Variants in FNDC3B observed in about 807,000 individuals in gnomAD.
The protein encoded by FNDC3B is fibronectin type III domain-containing protein 3B.
Under a neutral mutation model 151.5 loss-of-function variants are expected in FNDC3B, and 12 were observed. That is an observed-to-expected ratio of 0.08 (90% CI 0.05 to 0.13). The LOEUF (loss-of-function observed/expected upper bound fraction) is 0.13, where lower values mean the gene tolerates loss of function less well. Ranked by LOEUF, FNDC3B falls within the 10% of genes least tolerant of loss-of-function variation. FNDC3B has a pLI of 1.00. For synonymous variants in FNDC3B, 528 were observed against 549.0 expected, an observed-to-expected ratio of 0.96 and a Z score of 0.54; for missense variants, 1,214 against 1,505.3, an observed-to-expected ratio of 0.81 and a Z score of 3.20.
intron 23 of FNDC3B, 26 bp from the exon 24 acceptor site, chr3:172,378,244 C>T (rs1217563372): frequency 6.5e-7 from 1 of 1,549,464 alleles, no homozygotes; most frequent in Non-Finnish European, 8.7e-7. Context: ...GTTCAGATGG[C>T]TAATTGATTC....
intron 6 of FNDC3B, among the ~76,000 whole-genome samples, chr3:172,272,861 G>A (rs149887894): frequency 4.5e-4 from 68 of 152,296 alleles, no homozygotes; most frequent in Non-Finnish European, 5.1e-4. Flanking sequence ...TGATTCTCAT[G>A]GACTTGTGCA....
intron 11 of FNDC3B, among the ~76,000 whole-genome samples, chr3:172,317,429 C>T (rs181737114): frequency 6.6e-6 from 1 of 152,228 alleles, no homozygotes; most frequent in East Asian, 1.9e-4. Flanking sequence ...CGTGATCCGC[C>T]TGCCTCGGCC....
At chr3:172,271,993 C>T (rs1039060921) in intron 6 of FNDC3B, among the ~76,000 whole-genome samples, 2 of 152,182 alleles carry the variant, frequency 1.3e-5, no homozygotes, top group African/African-American at 2.4e-5. Flanking sequence ...GGAAACACAT[C>T]GTAGCCCTTG....
rs1010491916 is a variant in FNDC3B, at chr3:172,307,397, T to C, written c.1096T>C (p.Cys366Arg). ...YAMYNSVKGS[C>R]SEPVSFTTHS... ...CATGTACAATTCCGTAAAGGGATCC[T>C]GCTCCGAGCCTGTTAGCTTCACCAC... Residue 366 changes from cysteine to arginine, a missense_variant, in exon 10 of 26, where the codon TGC (cysteine) becomes CGC (arginine). This residue lies in a region of FNDC3B where 156 missense variants were observed against 225.3 expected (regional missense o/e 0.69). Coordinates refer to ENST00000415807, the MANE Select transcript of FNDC3B (RefSeq NM_022763.4). 2 of 1,614,186 alleles carry C rather than the reference T, an allele frequency of 1.2e-6. No homozygotes were observed. Among genetic ancestry groups the C allele is most frequent in the Non-Finnish European group, 8.5e-7 (1 of 1,180,006 alleles).
intron 2 of FNDC3B, among the ~76,000 whole-genome samples, chr3:172,118,518 G>A (rs916044702): frequency 1.3e-5 from 2 of 152,316 alleles, no homozygotes; most frequent in Middle Eastern, 3.4e-3. Context: ...GGAGAAAGAA[G>A]GATATTCAGA....
Position 172,148,347 on chromosome 3 carries a change from G to A in FNDC3B, c.187+14801G>A, listed in dbSNP as rs192123551. On this transcript the variant is annotated intron_variant, in intron 3 of 25. Coordinates refer to ENST00000415807, the MANE Select transcript of FNDC3B (RefSeq NM_022763.4). Reference sequence around the variant, plus strand: ...CCTTTTTCCCAGTCAACTGGGCCACGGTAAAAGAAGCAGCCAATGTGGAGG... The same window carrying A: ...CCTTTTTCCCAGTCAACTGGGCCACAGTAAAAGAAGCAGCCAATGTGGAGG... 5.3e-5 allele frequency among the ~76,000 whole-genome samples: 8 copies of A among 151,768 alleles called. No individual in the cohort carries two copies. The East Asian group carries it at 1.2e-3, about 22-fold the overall frequency.
intron 13 of FNDC3B, 144 bp from the exon 14 acceptor site, chr3:172,332,945 A>G: frequency 2.8e-6 from 2 of 718,206 alleles, no homozygotes; most frequent in Non-Finnish European, 5.0e-6. Flanking sequence ...TGGGCTTCTG[A>G]TTTTTCTCTT....
intron 16 of FNDC3B, among the ~76,000 whole-genome samples, chr3:172,338,769 CTG>C (rs1374399248): frequency 2.0e-5 from 3 of 152,214 alleles, no homozygotes; most frequent in Non-Finnish European, 2.9e-5. Flanking sequence ...GAGTCTCGCT[CTG>C]TCGCCCAGGC....
At chr3:172,239,853 G>GTTTTTTTTTTT (rs1195281476) in intron 4 of FNDC3B, among the ~76,000 whole-genome samples, 11 of 65,864 alleles carry the variant, frequency 1.7e-4, no homozygotes, top group African/African-American at 6.2e-4. Context: ...ATCCATTTTA[G>GTTTTTTTTTTT]TTCTTTTTTT....
intron 2 of FNDC3B, among the ~76,000 whole-genome samples, chr3:172,116,419 C>T (rs1032173811): frequency 1.3e-5 from 2 of 152,212 alleles, no homozygotes; most frequent in African/African-American, 4.8e-5. Flanking sequence ...CTCCCTATTT[C>T]CTGTTTCTCT....
chr3:172,069,775 A>T (rs1056573299), intron 1 of FNDC3B, among the ~76,000 whole-genome samples: 11 of 152,180 alleles, frequency 7.2e-5, no homozygotes, highest in African/African-American at 2.7e-4. Flanking sequence ...CCCCTTTCAG[A>T]TTCCAAGTAG....
At chr3:172,175,755 A>G (rs1466593866) in intron 3 of FNDC3B, among the ~76,000 whole-genome samples, 10 of 152,238 alleles carry the variant, frequency 6.6e-5, no homozygotes. Flanking sequence ...ATAGTAAGTG[A>G]GAACCTTGTA....
intron 2 of FNDC3B, among the ~76,000 whole-genome samples, chr3:172,123,392 AT>A (rs11438308): frequency 2.7e-4 from 41 of 149,164 alleles, no homozygotes; most frequent in African/African-American, 6.7e-4. Flanking sequence ...GAAGTTGATA[AT>A]TTTTTTTTTT....
intron 6 of FNDC3B, among the ~76,000 whole-genome samples, chr3:172,270,284 C>A (rs1387946662): frequency 6.6e-6 from 1 of 152,228 alleles, no homozygotes; most frequent in African/African-American, 2.4e-5. Context: ...AATTCGTTCT[C>A]TGCACAGCAG....
intron 6 of FNDC3B, among the ~76,000 whole-genome samples, chr3:172,283,166 A>G (rs59491336): frequency 0.013 from 1,999 of 152,318 alleles, 60 homozygotes; most frequent in African/African-American, 0.046. Context: ...AGTTGTTTTT[A>G]TCTCAGGAGG....
chr3:172,055,492 GTTCTC>G (rs1229797264), intron 1 of FNDC3B, among the ~76,000 whole-genome samples: 5 of 152,082 alleles, frequency 3.3e-5, no homozygotes, highest in African/African-American at 9.7e-5. Context: ...TCACTTTGCA[GTTCTC>G]TTAAATTAGT....
intron 3 of FNDC3B, among the ~76,000 whole-genome samples, chr3:172,222,730 G>A (rs769021896): frequency 6.6e-6 from 1 of 152,218 alleles, no homozygotes; most frequent in African/African-American, 2.4e-5. Flanking sequence ...AGTAATGCTC[G>A]CTTGCCCACT....
chr3:172,294,246 G>A (rs1730479600), intron 7 of FNDC3B, among the ~76,000 whole-genome samples: 1 of 152,218 alleles, frequency 6.6e-6, no homozygotes, highest in South Asian at 2.1e-4. Context: ...GAGAAGGGAA[G>A]TGTATTAGTC....
chr3:172,188,521 T>G (rs1724324062), intron 3 of FNDC3B, among the ~76,000 whole-genome samples: 2 of 152,072 alleles, frequency 1.3e-5, no homozygotes, highest in South Asian at 4.1e-4. Context: ...TTCTCCTGCC[T>G]CAGCCTCCAG....
Sources: allele counts gnomAD v4.1 joint callset (sites outside exome capture counted in the v4.1 genomes callset), GRCh38; gene constraint gnomAD v4.1.1; regional missense constraint gnomAD v4.1.1; transcripts MANE v1.5; gene names NCBI Gene and HGNC (gene_info 2026-07-23, HGNC 2026-07-21).